The following ITIH3 variants were observed in gnomAD, a reference collection of about 807,000 sequenced individuals.
ITIH3 encodes the protein inter-alpha-trypsin inhibitor heavy chain H3.
Under a neutral mutation model 96.5 loss-of-function variants are expected in ITIH3, and 81 were observed. The observed-to-expected ratio is 0.84, with a 90% CI of 0.70 to 1.01. ITIH3 has a LOEUF of 1.01. ITIH3 is among the 50% of genes least tolerant of loss of function. ITIH3 has a pLI of 0.00. For missense variants in ITIH3, 1,057 were observed against 1,139.3 expected, an observed-to-expected ratio of 0.93 and a Z score of 1.04; for synonymous variants, 422 against 445.2, an observed-to-expected ratio of 0.95 and a Z score of 0.66.
Position 52,808,794 on chromosome 3 carries a change from A to C in ITIH3, c.*113A>C, listed in dbSNP as rs1578765237. On this transcript the variant is annotated 3_prime_UTR_variant, in exon 22 of 22. Coordinates refer to ENST00000449956, the MANE Select transcript of ITIH3 (RefSeq NM_002217.4). ...TGGGAAAATAAAGTCCAAGGTCGAG[A>C]CCAGACAGCTGCCAGCCTCTACATG... The C allele has an allele frequency of 1.5e-6, 2 of 1,314,280 alleles. No homozygotes were observed. Among genetic ancestry groups the C allele is most frequent in the Non-Finnish European group, 2.1e-6 (2 of 940,948 alleles). 81.4% of individuals were successfully genotyped at this position (1,314,280 alleles called of 1,614,324 possible). A position where few individuals can be genotyped will look rare whatever the true frequency, so the allele number is the denominator to read the frequency against.
Position 52,808,164 on chromosome 3 carries a change from AC to A in ITIH3, c.2490del (p.Thr831GlnfsTer9). 6.2e-7 allele frequency: 1 copy of A among 1,614,116 alleles called. No individual in the cohort carries two copies. Among genetic ancestry groups the A allele is most frequent in the Non-Finnish European group, 8.5e-7 (1 of 1,180,004 alleles). On this transcript the variant is annotated frameshift_variant, in exon 21 of 22. Coordinates refer to ENST00000449956, the MANE Select transcript of ITIH3 (RefSeq NM_002217.4). LOFTEE classifies it high-confidence loss of function. Reference sequence around the variant, plus strand: ...GTGTCTGACATCCGGCCAGGCTCTGACCCCACAAAGCCAGATGCCACATTGG... The same window carrying A: ...GTGTCTGACATCCGGCCAGGCTCTGACCCACAAAGCCAGATGCCACATTGG... The part of the protein sequence containing the change: ...FKVSDIRPGS[D>X]PTKPDATLVV...
Position 52,803,718 on chromosome 3 carries a change from A to T in ITIH3, c.1710-137A>T. 4 of 901,152 alleles carry T rather than the reference A, an allele frequency of 4.4e-6. No individual in the cohort carries two copies. The South Asian group carries it at 6.8e-5, about 15-fold the overall frequency. 55.8% of individuals were successfully genotyped at this position (901,152 alleles called of 1,614,324 possible). On this transcript the variant is annotated intron_variant, in intron 13 of 21. Transcript: ENST00000449956. ...TGTGAGCCAGTCTTCTCTGAGCCCA[A>T]CTGGGCTGTACCCTGGGGGACCCCA...
Position 52,802,446 on chromosome 3 carries a change from C to G in ITIH3, c.1496C>G (p.Ser499Cys), listed in dbSNP as rs1699869681. ...ACTTACCAGCACTTCTACGATGGCT[C>G]TGAGATCGTGGTGGCCGGGCGCCTG... ...QNTYQHFYDG[S>C]EIVVAGRLVD... The change falls in exon 12 of 22, where the codon TCT becomes TGT. Residue 499 changes from serine to cysteine, a missense_variant. Coordinates refer to ENST00000449956, the MANE Select transcript of ITIH3 (RefSeq NM_002217.4). 12 of 1,613,994 alleles carry G rather than the reference C, an allele frequency of 7.4e-6. No individual in the cohort carries two copies. The highest frequency in any genetic ancestry group is 9.3e-6 in the Non-Finnish European group (11 of 1,179,890).
intron 21 of ITIH3, 26 bp downstream of exon 21, chr3:52,808,247 A>G: frequency 6.4e-7 from 1 of 1,566,692 alleles, no homozygotes; most frequent in Middle Eastern, 1.7e-4. Flanking sequence ...CCACACCCTC[A>G]CCTGCTCAGC....
At chr3:52,802,875 C>A in intron 13 of ITIH3, 69 bp downstream of exon 13, 2 of 1,566,974 alleles carry the variant, frequency 1.3e-6, no homozygotes, top group Non-Finnish European at 1.7e-6. Flanking sequence ...CACCCCCATA[C>A]GCAGTCCCAG....
chr3:52,798,863 C>A, intron 6 of ITIH3, 103 bp from the exon 7 acceptor site: 1 of 1,435,990 alleles, frequency 7.0e-7, no homozygotes, highest in Non-Finnish European at 9.5e-7. Flanking sequence ...CCAAGGGCTC[C>A]TCCCTGTGAG....
chr3:52,795,642 G>A lies in ITIH3; in HGVS notation c.114+19G>A. Reference sequence around the variant, plus strand: ...GGAAGGGGTAAGAACTTTCACCAGGGGGTGGGACCGAGTGGGGCAGGGCAG... The same window carrying A: ...GGAAGGGGTAAGAACTTTCACCAGGAGGTGGGACCGAGTGGGGCAGGGCAG... On this transcript the variant is annotated intron_variant, in intron 2 of 21. Coordinates refer to ENST00000449956, the MANE Select transcript of ITIH3 (RefSeq NM_002217.4). The A allele has an allele frequency of 6.2e-7, 1 of 1,611,216 alleles. No individual in the cohort carries two copies. The highest frequency in any genetic ancestry group is 8.5e-7 in the Non-Finnish European group (1 of 1,178,528).
intron 14 of ITIH3, 23 bp downstream of exon 14, chr3:52,804,032 G>A (rs1182666943): frequency 6.2e-7 from 1 of 1,604,060 alleles, no homozygotes; most frequent in Non-Finnish European, 8.5e-7. Context: ...ATGGAGGCCG[G>A]AACCCGGAGG....
Position 52,797,060 on chromosome 3 carries a change from G to A in ITIH3, c.387-45G>A, listed in dbSNP as rs760935249. 13 of 1,582,822 alleles carry A rather than the reference G, an allele frequency of 8.2e-6. No homozygotes were observed. The South Asian group carries it at 1.5e-4, about 18-fold the overall frequency. ...GGGGCCGAGGGCCGAGGAAGGGTGGGCTCCTGCAGTCTTTGAGGGAGTCAC... is the reference window on the plus strand; with the variant it reads ...GGGGCCGAGGGCCGAGGAAGGGTGGACTCCTGCAGTCTTTGAGGGAGTCAC... On this transcript the variant is annotated intron_variant, in intron 4 of 21. Transcript: ENST00000449956.
In ITIH3 at chr3:52,799,912, G is replaced by C; in HGVS notation, c.1066G>C (p.Asp356His). The C allele has an allele frequency of 1.9e-6, 3 of 1,613,588 alleles. No individual in the cohort carries two copies. Among genetic ancestry groups the C allele is most frequent in the Non-Finnish European group, 2.5e-6 (3 of 1,179,688 alleles). Residue 356 changes from aspartate to histidine, a missense_variant, in exon 9 of 22, where the codon GAT (aspartate) becomes CAT (histidine). Physicochemically the swap from Asp to His is moderately conservative, Grantham distance 81. Transcript: ENST00000449956. Reference protein sequence around the residue: ...EARTFVKSMEDKGMTNINDGL... With the variant: ...EARTFVKSMEHKGMTNINDGL... ...CAGGACGTTTGTGAAGAGCATGGAGGATAAAGGAAGTAAGAGCGGAGCTGG... is the reference window on the plus strand; with the variant it reads ...CAGGACGTTTGTGAAGAGCATGGAGCATAAAGGAAGTAAGAGCGGAGCTGG...
rs759437859 is a variant in ITIH3 at position 52,805,854 on chromosome 3, G to T, written c.1906+14G>T. ...TGTCCTACCTGAGTGAGTACATGCT[G>T]GCAGCTGCCACTCCTCCCACTGCTT... On this transcript the variant is annotated intron_variant, in intron 16 of 21. Transcript: ENST00000449956. 1 of 1,613,226 alleles carries T rather than the reference G, an allele frequency of 6.2e-7. No individual in the cohort carries two copies. The highest frequency in any genetic ancestry group is 2.2e-5 in the East Asian group (1 of 44,848).
chr3:52,800,895 C>T (rs1231755547), intron 10 of ITIH3, 70 bp from the exon 11 acceptor site: 7 of 1,588,092 alleles, frequency 4.4e-6, no homozygotes, highest in East Asian at 4.5e-5. Flanking sequence ...AGTCCGGTCT[C>T]CCCAGACAGA....
At chr3:52,806,867 G>A (rs760299349) in intron 18 of ITIH3, 34 bp from the exon 19 acceptor site, 36 of 1,540,858 alleles carry the variant, frequency 2.3e-5, no homozygotes, top group Non-Finnish European at 3.1e-5. Flanking sequence ...AGAAGTTCTC[G>A]CTGGTCTCTC....
In ITIH3 at chr3:52,802,339, C is replaced by T; in HGVS notation, c.1389C>T (p.Phe463=). The change falls in exon 12 of 22, where the codon TTC becomes TTT. Residue 463 remains phenylalanine (F), a synonymous_variant. Transcript: ENST00000449956. ...TGGCCCCGTGCGAACTTCAGGGCTT[C>T]TATGAGGAGGTGGCCAACCCACTGC... The part of the protein sequence containing the change: ...DSDADLQLQG[F]YEEVANPLLT... The T allele has an allele frequency of 6.2e-7, 1 of 1,613,758 alleles. No individual in the cohort carries two copies.
At chr3:52,800,408 C>A in intron 9 of ITIH3, 130 bp from the exon 10 acceptor site, 1 of 1,052,648 alleles carries the variant, frequency 9.5e-7, no homozygotes, top group Non-Finnish European at 1.4e-6. Context: ...CTGAGTACCA[C>A]CATGGGCTGG....
chr3:52,796,947 C>T (rs541863909), intron 4 of ITIH3, 104 bp downstream of exon 4: 1 of 1,171,010 alleles, frequency 8.5e-7, no homozygotes, highest in South Asian at 1.5e-5. Context: ...GCAAAATGTG[C>T]CCATAATTTT....
At chr3:52,795,654 G>C (rs1699553424) in intron 2 of ITIH3, 31 bp downstream of exon 2, 1 of 1,608,080 alleles carries the variant, frequency 6.2e-7, no homozygotes, top group Non-Finnish European at 8.5e-7. Flanking sequence ...GTGGGACCGA[G>C]TGGGGCAGGG....
chr3:52,805,645 G>C (rs139625655), intron 15 of ITIH3, 163 bp from the exon 16 acceptor site: 2 of 1,445,824 alleles, frequency 1.4e-6, no homozygotes, highest in Admixed American at 2.8e-5. Context: ...TTCCCTGGAC[G>C]TGCCCGATTT....
chr3:52,795,488 T>TG (rs1217960974), intron 1 of ITIH3, 115 bp from the exon 2 acceptor site: 50 of 1,107,642 alleles, frequency 4.5e-5, no homozygotes, highest in Admixed American at 1.7e-4. Flanking sequence ...CTCAGGTGTG[T>TG]GGGGGGCAGG....
Sources: gnomAD v4.1 joint callset for allele counts on GRCh38, gnomAD v4.1.1 for gene constraint, MANE v1.5 for transcripts, NCBI Gene and HGNC (gene_info 2026-07-23, HGNC 2026-07-21) for gene names.